MATCAP2: variants seen among roughly 807,000 people sequenced by gnomAD.
MATCAP2 encodes the protein microtubule associated tyrosine carboxypeptidase 2, also known as putative tyrosine carboxypeptidase MATCAP2.
At chr7:36,383,113 T>G in the MATCAP2 span, among the ~76,000 whole-genome samples, 1 of 152,026 alleles carries the variant, frequency 6.6e-6, no homozygotes, top group African/African-American at 2.4e-5. Context: ...TCAATTAAAC[T>G]AGAAAAAAAA....
At chr7:36,365,353 T>C in the MATCAP2 span, among the ~76,000 whole-genome samples, 2 of 152,128 alleles carry the variant, frequency 1.3e-5, no homozygotes, top group Non-Finnish European at 2.9e-5. Flanking sequence ...GTCACAATTA[T>C]GGGGGCGGGG....
chr7:36,390,075 G>A, the MATCAP2 span: 1 of 1,613,180 alleles, frequency 6.2e-7, no homozygotes, highest in South Asian at 1.1e-5. Flanking sequence ...AGCCAGCCAT[G>A]ACCCACCGCT....
chr7:36,339,232 G>C, the MATCAP2 span, among the ~76,000 whole-genome samples: 1 of 152,138 alleles, frequency 6.6e-6, no homozygotes, highest in Non-Finnish European at 1.5e-5. Flanking sequence ...CTCACATACT[G>C]CAAGTCATAA....
chr7:36,362,639 T>G, the MATCAP2 span, among the ~76,000 whole-genome samples: 1 of 152,356 alleles, frequency 6.6e-6, no homozygotes, highest in East Asian at 1.9e-4. Context: ...CTTCTGCCTC[T>G]GCAGCCTCAC....
At chr7:36,338,601 CTTTTAT>C in the MATCAP2 span, among the ~76,000 whole-genome samples, 5 of 151,924 alleles carry the variant, frequency 3.3e-5, no homozygotes, top group Non-Finnish European at 7.4e-5. Context: ...TCTCTAGCAA[CTTTTAT>C]TTTTATTTTT....
the MATCAP2 span, among the ~76,000 whole-genome samples, chr7:36,383,664 G>C: frequency 6.6e-6 from 1 of 152,126 alleles, no homozygotes; most frequent in South Asian, 2.1e-4. Flanking sequence ...GGTCTGTAGG[G>C]GGGTGGAGAG....
chr7:36,328,835 G>A, the MATCAP2 span, among the ~76,000 whole-genome samples: 1 of 152,192 alleles, frequency 6.6e-6, no homozygotes, highest in South Asian at 2.1e-4. Context: ...CCCGAGGTCA[G>A]GAGTTTGAGA....
the MATCAP2 span, among the ~76,000 whole-genome samples, chr7:36,358,825 T>C: frequency 1.3e-5 from 2 of 152,206 alleles, no homozygotes; most frequent in Non-Finnish European, 2.9e-5. Flanking sequence ...TACAATGTAG[T>C]ATATAATTAA....
At chr7:36,337,098 C>CAAAAAA in the MATCAP2 span, among the ~76,000 whole-genome samples, 328 of 18,516 alleles carry the variant, frequency 0.018, 84 homozygotes, top group Admixed American at 0.018. Flanking sequence ...AACTCCATCT[C>CAAAAAA]AAAAAAAAAA....
chr7:36,332,311 C>T, the MATCAP2 span, among the ~76,000 whole-genome samples: 2 of 152,072 alleles, frequency 1.3e-5, no homozygotes, highest in African/African-American at 4.8e-5. Context: ...AATTAAGAAA[C>T]ATTTGTTTAA....
At chr7:36,386,657 CAAGGATATA>C in the MATCAP2 span, among the ~76,000 whole-genome samples, 1 of 151,784 alleles carries the variant, frequency 6.6e-6, no homozygotes, top group Non-Finnish European at 1.5e-5. Context: ...GAAAAATGGG[CAAGGATATA>C]AAGTTGAAAA....
chr7:36,355,844 T>C, the MATCAP2 span: 3 of 152,198 alleles, frequency 2.0e-5, no homozygotes, highest in South Asian at 2.1e-4. Flanking sequence ...GCCTTTATGA[T>C]CTCAAAACTA....
At chr7:36,364,025 G>A in the MATCAP2 span, among the ~76,000 whole-genome samples, 1 of 151,022 alleles carries the variant, frequency 6.6e-6, no homozygotes, top group Non-Finnish European at 1.5e-5. Context: ...AGATTTTAGT[G>A]GCTTTGGTAT....
chr7:36,326,971 T>C, the MATCAP2 span: 2 of 1,505,850 alleles, frequency 1.3e-6, no homozygotes, highest in Non-Finnish European at 1.8e-6. Flanking sequence ...ATGTACATTT[T>C]AAGGATGAAT....
chr7:36,346,635 A>G, the MATCAP2 span, among the ~76,000 whole-genome samples: 724 of 152,318 alleles, frequency 4.8e-3, 5 homozygotes, highest in African/African-American at 0.017. Context: ...GGTTGGTGAG[A>G]TGGGGAACGA....
At chr7:36,341,205 G>C in the MATCAP2 span, among the ~76,000 whole-genome samples, 1 of 152,088 alleles carries the variant, frequency 6.6e-6, no homozygotes, top group East Asian at 1.9e-4. Flanking sequence ...ACCTGCACAT[G>C]GGTAACACTT....
At chr7:36,362,043 G>A in the MATCAP2 span, among the ~76,000 whole-genome samples, 200 of 152,258 alleles carry the variant, frequency 1.3e-3, 1 homozygote, top group African/African-American at 4.5e-3. Flanking sequence ...ACCAGGTGCT[G>A]GAAATGTTCG....
chr7:36,364,805 T>C, the MATCAP2 span, among the ~76,000 whole-genome samples: 1 of 152,158 alleles, frequency 6.6e-6, no homozygotes, highest in Non-Finnish European at 1.5e-5. Context: ...GGCACAGGGC[T>C]CTAGAATTAT....
the MATCAP2 span, among the ~76,000 whole-genome samples, chr7:36,384,826 G>A: frequency 6.7e-6 from 1 of 149,386 alleles, no homozygotes; most frequent in African/African-American, 2.5e-5. Flanking sequence ...ATTTTTTTAT[G>A]ACCAGAAAAA....
Sources: gnomAD v4.1 joint callset for allele counts (sites outside exome capture counted in the v4.1 genomes callset) on GRCh38, gnomAD v4.1.1 for gene constraint, MANE v1.5 for transcripts, NCBI Gene and HGNC (gene_info 2026-07-23, HGNC 2026-07-21) for gene names.